The following SAMD12 variants were observed in gnomAD, a reference collection of about 807,000 sequenced individuals.
SAMD12 encodes the protein sterile alpha motif domain-containing protein 12.
A neutral mutation model predicts 15.0 loss-of-function variants in SAMD12; 9 were observed. That is an observed-to-expected ratio of 0.60 (90% CI 0.36 to 1.05). SAMD12 has a LOEUF of 1.05. Among genes scored for constraint, SAMD12 ranks in the 50% least tolerant of loss-of-function variants. The pLI, the probability that SAMD12 is intolerant of heterozygous loss-of-function variation, is 0.01. For missense variants in SAMD12, 230 were observed against 234.2 expected (o/e 0.98, Z 0.12); for synonymous variants, 86 against 90.1 (o/e 0.96, Z 0.25).
intron 1 of SAMD12, among the ~76,000 whole-genome samples, chr8:118,584,956 A>AAC (rs1331941480): frequency 7.4e-6 from 1 of 134,656 alleles, no homozygotes; most frequent in Non-Finnish European, 1.6e-5. Flanking sequence ...CACACACACA[A>AAC]ACACACACAC....
intron 4 of SAMD12, among the ~76,000 whole-genome samples, chr8:118,360,909 G>T (rs1192903811): frequency 1.3e-5 from 2 of 152,136 alleles, no homozygotes; most frequent in Non-Finnish European, 2.9e-5. Flanking sequence ...TTCTGGAAGG[G>T]TTTAAATCTC....
downstream of SAMD12, among the ~76,000 whole-genome samples, chr8:118,185,711 C>A (rs190082976): frequency 4.8e-4 from 73 of 152,292 alleles, 1 homozygote; most frequent in South Asian, 1.0e-2. Flanking sequence ...GAGATATGAG[C>A]CTTGTCCAAG....
At chr8:118,392,575 G>C (rs1326426067) in intron 3 of SAMD12, among the ~76,000 whole-genome samples, 2 of 152,258 alleles carry the variant, frequency 1.3e-5, no homozygotes, top group East Asian at 3.8e-4. Flanking sequence ...GCACCCGAAA[G>C]GGTGGGATCC....
intron 2 of SAMD12, among the ~76,000 whole-genome samples, chr8:118,458,282 A>G (rs1012079250): frequency 2.0e-5 from 3 of 151,872 alleles, no homozygotes; most frequent in African/African-American, 4.8e-5. Flanking sequence ...TTCCTCTTCA[A>G]TGTAGCCAGG....
intron 4 of SAMD12, among the ~76,000 whole-genome samples, chr8:118,260,445 A>T (rs545552135): frequency 1.3e-5 from 2 of 152,090 alleles, no homozygotes; most frequent in Admixed American, 1.3e-4. Context: ...ATTAAAAAGT[A>T]TCTGCTTGTG....
chr8:118,393,906 G>A (rs11990062), intron 3 of SAMD12, among the ~76,000 whole-genome samples: 20,099 of 152,048 alleles, frequency 0.13, 1,751 homozygotes, highest in Non-Finnish European at 0.18. Flanking sequence ...CTGGCCCCAT[G>A]CATTTGATCT....
intron 4 of SAMD12, among the ~76,000 whole-genome samples, chr8:118,198,731 AAAT>A (rs757158351): frequency 6.6e-6 from 1 of 152,204 alleles, no homozygotes; most frequent in Non-Finnish European, 1.5e-5. Context: ...ATTAAATATC[AAAT>A]AATAATACTT....
chr8:118,241,942 C>T (rs939926896), intron 4 of SAMD12, among the ~76,000 whole-genome samples: 1 of 152,132 alleles, frequency 6.6e-6, no homozygotes, highest in Non-Finnish European at 1.5e-5. Flanking sequence ...GACTGGGTCT[C>T]ACTCTGTTGC....
the SAMD12 span, among the ~76,000 whole-genome samples, chr8:118,174,235 T>C: frequency 6.6e-6 from 1 of 152,216 alleles, no homozygotes; most frequent in African/African-American, 2.4e-5. Context: ...AGGGCTGTCA[T>C]AGTCATTTGT....
chr8:118,189,968 A>G (rs1404707165), exon 5 of SAMD12: 1 of 151,150 alleles, frequency 6.6e-6, no homozygotes, highest in Non-Finnish European at 1.5e-5. Flanking sequence ...AAAAAAAAAA[A>G]AGAAAGAAAA....
rs1323719692 is a variant in SAMD12 at position 118,495,876 on chromosome 8, T to C, written c.193-55915A>G. ...AATACAATTTATAATATCAAGGCCA[T>C]CTACTTGGGGTTTAAGAGTATAGAA... On this transcript the variant is annotated intron_variant, in intron 2 of 3. Transcript: ENST00000314727. Among the ~76,000 whole-genome samples the C allele has an allele frequency of 2.0e-5, 3 of 152,274 alleles. 1 individual carries two copies. Among genetic ancestry groups the C allele is most frequent in the Middle Eastern group, 6.8e-3 (2 of 294 alleles).
intron 4 of SAMD12, among the ~76,000 whole-genome samples, chr8:118,244,545 A>AT (rs952347240): frequency 2.0e-5 from 3 of 152,050 alleles, no homozygotes; most frequent in East Asian, 1.9e-4. Context: ...CCTTTCTGTA[A>AT]TTTTTTTTCA....
chr8:118,317,938 G>A (rs1339085573), intron 4 of SAMD12, among the ~76,000 whole-genome samples: 2 of 151,998 alleles, frequency 1.3e-5, no homozygotes, highest in Non-Finnish European at 2.9e-5. Flanking sequence ...GACAACAAAT[G>A]TTTTAAAAAA....
At chr8:118,291,037 C>A (rs1586446473) in intron 4 of SAMD12, among the ~76,000 whole-genome samples, 1 of 152,180 alleles carries the variant, frequency 6.6e-6, no homozygotes, top group African/African-American at 2.4e-5. Flanking sequence ...AGCAGCTTAA[C>A]TGAAATGTTG....
chr8:118,487,760 C>G (rs572864159), intron 2 of SAMD12, among the ~76,000 whole-genome samples: 2 of 152,150 alleles, frequency 1.3e-5, no homozygotes, highest in Admixed American at 6.5e-5. Flanking sequence ...AGATAATGCA[C>G]GACAGAATTG....
intron 3 of SAMD12, among the ~76,000 whole-genome samples, chr8:118,382,896 T>A (rs1277616470): frequency 1.3e-5 from 2 of 152,186 alleles, no homozygotes; most frequent in African/African-American, 4.8e-5. Flanking sequence ...ACCAAAAATT[T>A]TATTAACAAA....
At chr8:118,139,289 G>A in the SAMD12 span, among the ~76,000 whole-genome samples, 1 of 151,144 alleles carries the variant, frequency 6.6e-6, no homozygotes, top group Non-Finnish European at 1.5e-5. Context: ...GGCAAAGAAG[G>A]AAACATAACT....
At position 118,581,232 on chromosome 8, in the gene SAMD12, C is replaced by T. The variant is rs555556692; in HGVS notation, c.14-339G>A. On this transcript the variant is annotated intron_variant, in intron 1 of 3. Coordinates refer to ENST00000314727, the MANE Select transcript of SAMD12 (RefSeq NM_207506.3). ...ACACGCAATCATGCAATTATTTCAA[C>T]CCTGCAGTTTAGTTTGTATCTCTAC... 2.6e-5 allele frequency among the ~76,000 whole-genome samples: 4 copies of T among 152,270 alleles called. No individual in the cohort carries two copies. The South Asian group carries it at 8.3e-4, about 32-fold the overall frequency.
At position 118,379,171 on chromosome 8, in the gene SAMD12, G is replaced by T; in HGVS notation, c.*246C>A. On this transcript the variant is annotated 3_prime_UTR_variant, in exon 4 of 4. Transcript: ENST00000314727. ...ATGCTAAAGCGCCCTCACAATTGGC[G>T]CAGGTGAAGATAGCTACAGCTGGAC... 8.1e-7 allele frequency: 1 copy of T among 1,227,546 alleles called. No individual in the cohort carries two copies. Among genetic ancestry groups the T allele is most frequent in the Non-Finnish European group, 1.0e-6 (1 of 980,104 alleles). 76.0% of individuals were successfully genotyped at this position (1,227,546 alleles called of 1,614,324 possible). A position where few individuals can be genotyped will look rare whatever the true frequency, so the allele number is the denominator to read the frequency against.
Sources: gnomAD v4.1 joint callset for allele counts (sites outside exome capture counted in the v4.1 genomes callset) on GRCh38, gnomAD v4.1.1 for gene constraint, MANE v1.5 for transcripts, NCBI Gene and HGNC (gene_info 2026-07-23, HGNC 2026-07-21) for gene names.